Variants in OTC observed in about 807,000 individuals in gnomAD.
OTC encodes ornithine transcarbamylase, mitochondrial.
In OTC, 3 loss-of-function variants were observed where a neutral mutation model predicts 30.3. That is an observed-to-expected ratio of 0.10 (90% CI 0.05 to 0.26). The LOEUF (loss-of-function observed/expected upper bound fraction) is 0.26. Ranked by LOEUF, OTC falls within the 10% of genes least tolerant of loss-of-function variation. The pLI is 1.00. For synonymous variants in OTC, 111 were observed against 99.7 expected, an observed-to-expected ratio of 1.11 and a Z score of -0.67; for missense variants, 194 against 260.3, an observed-to-expected ratio of 0.75 and a Z score of 1.75.
At chrX:38,352,571 G>A (rs981210987), upstream of OTC, 5 of 534,699 alleles carry the variant, frequency 9.4e-6, no homozygotes, top group African/African-American at 1.2e-4. Flanking sequence ...GAAGCTGAAG[G>A]GTGATATTAC....
At chrX:38,359,960 C>T (rs991863143) in intron 1 of OTC, among the ~76,000 whole-genome samples, 3 of 104,291 alleles carry the variant, frequency 2.9e-5, no homozygotes, top group Non-Finnish European at 5.9e-5. Flanking sequence ...TCTTGTCACC[C>T]AGGCTAGAGT....
At chrX:38,413,893 C>T (rs180743985) in intron 9 of OTC, among the ~76,000 whole-genome samples, 45 of 107,578 alleles carry the variant, frequency 4.2e-4, no homozygotes, top group Admixed American at 3.7e-3. Context: ...AGGCTGGTCT[C>T]GAACTCCTGA....
chrX:38,372,438 G>T (rs1480298252), intron 3 of OTC, among the ~76,000 whole-genome samples: 3 of 111,939 alleles, frequency 2.7e-5, no homozygotes, highest in Non-Finnish European at 5.6e-5. Flanking sequence ...TAAATCTATT[G>T]ATTTAATTTA....
chrX:38,386,386 A>AAATAT (rs1555974126), intron 4 of OTC, among the ~76,000 whole-genome samples: 2 of 88,944 alleles, frequency 2.2e-5, no homozygotes, highest in African/African-American at 8.0e-5. Flanking sequence ...AAAAAAAAAA[A>AAATAT]ATATATATAT....
chrX:38,379,677 C>G (rs1244666505), intron 3 of OTC, among the ~76,000 whole-genome samples: 1 of 110,237 alleles, frequency 9.1e-6, no homozygotes, highest in Non-Finnish European at 1.9e-5. Flanking sequence ...CTCTGTCACC[C>G]AGGGTGGAGT....
upstream of OTC, among the ~76,000 whole-genome samples, chrX:38,351,564 C>A (rs769223700): frequency 9.0e-6 from 1 of 111,366 alleles, no homozygotes; most frequent in Non-Finnish European, 1.9e-5. Flanking sequence ...CAGTGCAGCT[C>A]GGTATCTGAT....
chrX:38,339,079 A>C, the OTC span, among the ~76,000 whole-genome samples: 5 of 112,066 alleles, frequency 4.5e-5, no homozygotes, highest in East Asian at 1.4e-3. Context: ...AGGCAATGAA[A>C]ACTTATTTTG....
rs148565370 is a variant in OTC, at chrX:38,406,550, G to A, written c.664-2192G>A. On this transcript the variant is annotated intron_variant, in intron 6 of 9. Coordinates refer to ENST00000039007, the MANE Select transcript of OTC (RefSeq NM_000531.6). The stretch of plus-strand genomic sequence containing the variant: ...TAAGTCATGCCTCAGTGCATGCAAG[G>A]TTGGGTGATTTTCTAATTTCCAGAC... Among the ~76,000 whole-genome samples, 531 of 111,560 alleles carry A rather than the reference G, an allele frequency of 4.8e-3. 5 individuals carry two copies. The highest frequency in any genetic ancestry group is 0.016 in the African/African-American group (506 of 30,736).
At position 38,421,029 on chromosome X, in the gene OTC, A is replaced by G; in HGVS notation, c.1012A>G (p.Met338Val). 1 of 1,199,552 alleles carries G rather than the reference A, an allele frequency of 8.3e-7. No individual in the cohort carries two copies. The highest frequency in any genetic ancestry group is 1.1e-6 in the Non-Finnish European group (1 of 884,692). Residue 338 changes from methionine (M) to valine (V), a missense_variant, in exon 10 of 10, where the codon ATG becomes GTG. Transcript: ENST00000039007. The part of the protein sequence containing the change: ...ENRKWTIMAV[M>V]VSLLTDYSPQ... The stretch of plus-strand genomic sequence containing the variant: ...TTCTTTGTTGTGTCATCAGGCTGTC[A>G]TGGTGTCCCTGCTGACAGATTACTC...
chrX:38,333,820 T>C, the OTC span, among the ~76,000 whole-genome samples: 2 of 112,619 alleles, frequency 1.8e-5, no homozygotes, highest in Non-Finnish European at 3.7e-5. Context: ...GATAAACAGG[T>C]GTGTCTCTAC....
chrX:38,420,933 A>T, intron 9 of OTC, 90 bp from the exon 10 acceptor site: 1 of 642,100 alleles, frequency 1.6e-6, no homozygotes, highest in Non-Finnish European at 2.6e-6. Flanking sequence ...GTAACCCTGC[A>T]AAGCTGAAAC....
At chrX:38,347,608 G>A (rs137883924), upstream of OTC, among the ~76,000 whole-genome samples, 5,105 of 112,093 alleles carry the variant, frequency 0.046, 141 homozygotes, top group Non-Finnish European at 0.069. Context: ...TCAGAGCTTC[G>A]CACTGCAGTA....
intron 9 of OTC, among the ~76,000 whole-genome samples, chrX:38,418,615 C>T (rs1003209204): frequency 3.6e-5 from 4 of 111,937 alleles, no homozygotes; most frequent in Middle Eastern, 4.2e-3. Flanking sequence ...GATTGTAGCT[C>T]CCATAATTCC....
rs1173090093 is a variant in OTC, at chrX:38,401,416, C to T, written c.528C>T (p.Tyr176=). 8 of 1,205,650 alleles carry T rather than the reference C, an allele frequency of 6.6e-6. No individual in the cohort carries two copies. The South Asian group carries it at 1.2e-4, about 19-fold the overall frequency. ...LYHPIQILAD[Y]LTLQEHYSSL... The stretch of plus-strand genomic sequence containing the variant: ...ATCCTATCCAGATCCTGGCTGATTA[C>T]CTCACGCTCCAGGTTGGTTTATTTA... Residue 176 remains tyrosine (Y), a synonymous_variant, in exon 5 of 10, where the codon TAC becomes TAT. Coordinates refer to ENST00000039007, the MANE Select transcript of OTC (RefSeq NM_000531.6).
chrX:38,349,038 CA>C (rs1200678811), upstream of OTC, among the ~76,000 whole-genome samples: 1 of 111,344 alleles, frequency 9.0e-6, no homozygotes, highest in African/African-American at 3.3e-5. Context: ...ATAGGAGGGC[CA>C]GGGGGAAAAG....
chrX:38,422,817 C>T (rs2068601972), downstream of OTC, among the ~76,000 whole-genome samples: 1 of 111,791 alleles, frequency 8.9e-6, no homozygotes, highest in African/African-American at 3.2e-5. Flanking sequence ...GTTTTCATCT[C>T]CTCTTTCTTC....
At chrX:38,399,749 A>G (rs1602028745) in intron 4 of OTC, among the ~76,000 whole-genome samples, 2 of 111,673 alleles carry the variant, frequency 1.8e-5, no homozygotes, top group African/African-American at 6.5e-5. Flanking sequence ...TCCAACTCAA[A>G]AAAAACAAAC....
At chrX:38,407,355 G>C (rs2068520201) in intron 6 of OTC, among the ~76,000 whole-genome samples, 1 of 112,412 alleles carries the variant, frequency 8.9e-6, no homozygotes, top group African/African-American at 3.2e-5. Flanking sequence ...AGCACTCCCA[G>C]CAGCTGGGGG....
At position 38,401,292 on chromosome X, in the gene OTC, C is replaced by A. The variant is rs72556256; in HGVS notation, c.404C>A (p.Ala135Glu). Reference protein sequence around the residue: ...TDTARVLSSMADAVLARVYKQ... With the variant: ...TDTARVLSSMEDAVLARVYKQ... ...TGCCACAGTGTATTGTCTAGCATGG[C>A]AGATGCAGTATTGGCTCGAGTGTAT... Residue 135 changes from alanine to glutamate, a missense_variant, in exon 5 of 10, where the codon GCA (alanine) becomes GAA (glutamate). Coordinates refer to ENST00000039007, the MANE Select transcript of OTC (RefSeq NM_000531.6). The A allele has an allele frequency of 8.3e-7, 1 of 1,203,537 alleles. No homozygotes were observed. Among genetic ancestry groups the A allele is most frequent in the Non-Finnish European group, 1.1e-6 (1 of 888,294 alleles).
Sources: allele counts gnomAD v4.1 joint callset (sites outside exome capture counted in the v4.1 genomes callset), GRCh38; gene constraint gnomAD v4.1.1; transcripts MANE v1.5; gene names NCBI Gene and HGNC (gene_info 2026-07-23, HGNC 2026-07-21).